Variants in KCNAB1 observed in about 807,000 individuals in gnomAD.
The protein encoded by KCNAB1 is potassium voltage-gated channel subfamily A regulatory beta subunit 1, also known as voltage-gated potassium channel subunit beta-1.
A neutral mutation model predicts 64.6 loss-of-function variants in KCNAB1; 35 were observed. That is an observed-to-expected ratio of 0.54 (90% CI 0.41 to 0.72). The LOEUF is 0.72. KCNAB1 is among the 30% of genes least tolerant of loss of function. KCNAB1 has a pLI of 0.00. For synonymous variants in KCNAB1, 177 were observed against 183.8 expected (o/e 0.96, Z 0.30); for missense variants, 401 against 512.9 (o/e 0.78, Z 2.11).
intron 1 of KCNAB1, among the ~76,000 whole-genome samples, chr3:156,208,948 T>C (rs756431030): frequency 6.6e-6 from 1 of 152,216 alleles, no homozygotes; most frequent in Non-Finnish European, 1.5e-5. Flanking sequence ...ATAATATAAA[T>C]GCATAACGTA....
intron 3 of KCNAB1, among the ~76,000 whole-genome samples, chr3:156,456,727 C>A (rs1712458062): frequency 6.6e-6 from 1 of 152,192 alleles, no homozygotes; most frequent in African/African-American, 2.4e-5. Context: ...AAAAATGGCC[C>A]TTCTCCACTG....
At chr3:156,182,839 C>T (rs1712954713) in intron 1 of KCNAB1, among the ~76,000 whole-genome samples, 1 of 151,354 alleles carries the variant, frequency 6.6e-6, no homozygotes, top group African/African-American at 2.4e-5. Flanking sequence ...GCTGGGATTA[C>T]AGGCGCCCGC....
chr3:156,428,573 A>T (rs912759663), intron 2 of KCNAB1, among the ~76,000 whole-genome samples: 4 of 150,006 alleles, frequency 2.7e-5, no homozygotes, highest in Non-Finnish European at 5.9e-5. Flanking sequence ...CTGAGGAGAG[A>T]TTTTGTTGAT....
chr3:156,303,833 G>T (rs1721312490), intron 1 of KCNAB1, among the ~76,000 whole-genome samples: 1 of 152,152 alleles, frequency 6.6e-6, no homozygotes, highest in Non-Finnish European at 1.5e-5. Context: ...ACTTAGAAAA[G>T]ACATTTTGCT....
upstream of KCNAB1, among the ~76,000 whole-genome samples, chr3:156,119,504 C>A (rs560534483): frequency 1.2e-3 from 189 of 152,308 alleles, no homozygotes; most frequent in South Asian, 2.9e-3. Flanking sequence ...ACTCTAAGGA[C>A]TTGCTATAAC....
intron 11 of KCNAB1, among the ~76,000 whole-genome samples, chr3:156,519,209 A>G (rs2108399918): frequency 6.6e-6 from 1 of 152,344 alleles, no homozygotes; most frequent in Middle Eastern, 3.4e-3. Context: ...TTTTTAAAAT[A>G]TTAATCTGAC....
chr3:156,464,718 A>T (rs565409716), intron 6 of KCNAB1, among the ~76,000 whole-genome samples: 1 of 152,270 alleles, frequency 6.6e-6, no homozygotes, highest in East Asian at 1.9e-4. Flanking sequence ...AGACAGAAAG[A>T]TGGAATTTAA....
chr3:156,196,997 A>C (rs1713994088), intron 1 of KCNAB1, among the ~76,000 whole-genome samples: 1 of 152,172 alleles, frequency 6.6e-6, no homozygotes, highest in Non-Finnish European at 1.5e-5. Flanking sequence ...GTTTATTGAC[A>C]GTTTTTAGCA....
intron 1 of KCNAB1, among the ~76,000 whole-genome samples, chr3:156,307,490 T>C (rs1721582402): frequency 6.6e-6 from 1 of 152,132 alleles, no homozygotes; most frequent in South Asian, 2.1e-4. Context: ...CCACTTAGAG[T>C]TGGAACATGA....
chr3:156,210,805 G>A (rs1215988333), intron 1 of KCNAB1, among the ~76,000 whole-genome samples: 1 of 152,228 alleles, frequency 6.6e-6, no homozygotes, highest in Non-Finnish European at 1.5e-5. Flanking sequence ...CCATGCTTCA[G>A]TGTCTCTTGG....
intron 1 of KCNAB1, among the ~76,000 whole-genome samples, chr3:156,260,991 C>A (rs1482188154): frequency 6.6e-6 from 1 of 152,118 alleles, no homozygotes; most frequent in Non-Finnish European, 1.5e-5. Flanking sequence ...TCCTTAATGA[C>A]TAATGAGGTT....
intron 1 of KCNAB1, among the ~76,000 whole-genome samples, chr3:156,398,169 G>A (rs976344563): frequency 6.6e-6 from 1 of 152,138 alleles, no homozygotes; most frequent in Non-Finnish European, 1.5e-5. Context: ...TCACTCATAA[G>A]TGAGAGTTAA....
chr3:156,165,268 A>C (rs1371295186), intron 1 of KCNAB1, among the ~76,000 whole-genome samples: 1 of 122,372 alleles, frequency 8.2e-6, no homozygotes, highest in Non-Finnish European at 1.6e-5. Flanking sequence ...ACAGAGCGAG[A>C]CTCCGTCTCA....
intron 1 of KCNAB1, among the ~76,000 whole-genome samples, chr3:156,325,667 T>C (rs989839047): frequency 7.2e-5 from 11 of 151,924 alleles, no homozygotes; most frequent in African/African-American, 2.7e-4. Flanking sequence ...AAAATTATCA[T>C]ACTGGCCAGG....
At chr3:156,173,371 C>G (rs372030085) in intron 1 of KCNAB1, among the ~76,000 whole-genome samples, 10 of 152,090 alleles carry the variant, frequency 6.6e-5, no homozygotes, top group African/African-American at 2.4e-4. Context: ...AAAAAACACA[C>G]AAAAAATCAC....
At chr3:156,500,396 C>G (rs1716318448) in intron 8 of KCNAB1, among the ~76,000 whole-genome samples, 1 of 152,096 alleles carries the variant, frequency 6.6e-6, no homozygotes, top group South Asian at 2.1e-4. Flanking sequence ...TTTAAGACTT[C>G]CAATTGAGTT....
intron 8 of KCNAB1, among the ~76,000 whole-genome samples, chr3:156,492,574 T>C (rs35231336): frequency 0.34 from 52,269 of 151,920 alleles, 9,487 homozygotes; most frequent in Middle Eastern, 0.54. Context: ...CAGATACTCC[T>C]ACCTCAGCTT....
At chr3:156,197,591 G>C (rs990432865) in intron 1 of KCNAB1, among the ~76,000 whole-genome samples, 1 of 152,132 alleles carries the variant, frequency 6.6e-6, no homozygotes, top group Non-Finnish European at 1.5e-5. Flanking sequence ...TAGTTTATTT[G>C]TTTGTAGTAT....
At chr3:156,232,144 A>T (rs1390154042) in intron 1 of KCNAB1, among the ~76,000 whole-genome samples, 1 of 152,240 alleles carries the variant, frequency 6.6e-6, no homozygotes, top group African/African-American at 2.4e-5. Context: ...AATATTACTT[A>T]GAAAGTAATA....
Sources: allele counts gnomAD v4.1 joint callset (sites outside exome capture counted in the v4.1 genomes callset), GRCh38; gene constraint gnomAD v4.1.1; transcripts MANE v1.5; gene names NCBI Gene and HGNC (gene_info 2026-07-23, HGNC 2026-07-21).